The following SIDT2 variants were observed in gnomAD, a reference collection of about 807,000 sequenced individuals.
SIDT2 encodes SID1 transmembrane family, member 2.
In SIDT2, 68 loss-of-function variants were observed where a neutral mutation model predicts 114.4. That is an observed-to-expected ratio of 0.59 (90% CI 0.49 to 0.73). The LOEUF (loss-of-function observed/expected upper bound fraction) is 0.73. SIDT2 is among the 30% of genes least tolerant of loss of function. The pLI, the probability that SIDT2 is intolerant of heterozygous loss-of-function variation, is 0.00. For missense variants in SIDT2, 918 were observed against 1,097.1 expected, an observed-to-expected ratio of 0.84 and a Z score of 2.31; for synonymous variants, 470 against 438.4, an observed-to-expected ratio of 1.07 and a Z score of -0.90.
At chr11:117,179,487 G>T in intron 1 of SIDT2, 41 bp downstream of exon 1, 1 of 1,582,132 alleles carries the variant, frequency 6.3e-7, no homozygotes. Flanking sequence ...GAGTGGGGAA[G>T]CCGACGAGGG....
intron 24 of SIDT2, among the ~76,000 whole-genome samples, chr11:117,195,135 G>T (rs1408885073): frequency 2.2e-5 from 3 of 138,648 alleles, no homozygotes; most frequent in Non-Finnish European, 4.6e-5. Flanking sequence ...ATGGAGAAGA[G>T]CCCCATGGCC....
At chr11:117,186,807 T>C (rs2030513636) in intron 10 of SIDT2, among the ~76,000 whole-genome samples, 171 bp downstream of exon 10, 1 of 152,030 alleles carries the variant, frequency 6.6e-6, no homozygotes, top group African/African-American at 2.4e-5. Context: ...TGTCCATGCA[T>C]CCCTAACATG....
chr11:117,178,749 C>A lies in SIDT2; in HGVS notation c.-515C>A, dbSNP rs1298313257. On this transcript the variant is annotated 5_prime_UTR_variant, in exon 1 of 26. Coordinates refer to ENST00000324225, the MANE Select transcript of SIDT2 (RefSeq NM_001040455.2). The stretch of plus-strand genomic sequence containing the variant: ...GCGGCGCAGCTCACTTTTCAGTGTT[C>A]GTGCGTCGGGACGGCGCGTCCGCCC... 3.2e-5 allele frequency: 5 copies of A among 156,870 alleles called. No homozygotes were observed. The highest frequency in any genetic ancestry group is 9.6e-5 in the African/African-American group (4 of 41,490). 9.7% of individuals were successfully genotyped at this position (156,870 alleles called of 1,614,324 possible).
At position 117,179,408 on chromosome 11, in the gene SIDT2, A is replaced by T. The variant is rs1464496946; in HGVS notation, c.145A>T (p.Asn49Tyr). 1 of 1,613,268 alleles carries T rather than the reference A, an allele frequency of 6.2e-7. No homozygotes were observed. The highest frequency in any genetic ancestry group is 2.2e-5 in the East Asian group (1 of 44,812). ...YVDEVNSELV[N>Y]IYTFNHTVTR... ...GGACGAGGTCAACAGCGAGCTGGTCAACATCTACACCTTCAACCATACTGT... is the reference window on the plus strand; with the variant it reads ...GGACGAGGTCAACAGCGAGCTGGTCTACATCTACACCTTCAACCATACTGT... Residue 49 changes from asparagine (N) to tyrosine (Y), a missense_variant, in exon 1 of 26, where the codon AAC (asparagine) becomes TAC (tyrosine). Physicochemically the swap from Asn to Tyr is moderately radical, Grantham distance 143 (BLOSUM62 -2). Coordinates refer to ENST00000324225, the MANE Select transcript of SIDT2 (RefSeq NM_001040455.2).
At position 117,189,251 on chromosome 11, in the gene SIDT2, G is replaced by A; in HGVS notation, c.1352+9G>A. ...TACCAGATCTACTTCTGGTGAGTGG[G>A]CTGAGTGTCTGGGGCTCTGCTGTTG... On this transcript the variant is annotated intron_variant, in intron 14 of 25. Transcript: ENST00000324225. 2.5e-6 allele frequency: 4 copies of A among 1,614,196 alleles called. No homozygotes were observed. The highest frequency in any genetic ancestry group is 3.4e-6 in the Non-Finnish European group (4 of 1,179,984).
chr11:117,184,887 A>G (rs535169096), intron 8 of SIDT2, among the ~76,000 whole-genome samples: 135 of 151,778 alleles, frequency 8.9e-4, no homozygotes, highest in Non-Finnish European at 1.3e-3. Flanking sequence ...CGCCATGCCC[A>G]GCTAATTTTT....
chr11:117,186,637 G>A lies in SIDT2; in HGVS notation c.1015+1G>A. On this transcript the variant is annotated splice_donor_variant, in intron 10 of 25. Coordinates refer to ENST00000324225, the MANE Select transcript of SIDT2 (RefSeq NM_001040455.2). LOFTEE classifies it high-confidence loss of function. ...ATTGACCGAGCCTGCCCAGAAAGCG[G>A]TACCTCCAGGGGGCCTGGGTGGGGC... is the stretch of plus-strand genomic sequence containing the variant. The A allele has an allele frequency of 1.3e-6, 2 of 1,564,034 alleles. No individual in the cohort carries two copies. Among genetic ancestry groups the A allele is most frequent in the Non-Finnish European group, 1.7e-6 (2 of 1,159,008 alleles).
intron 1 of SIDT2, 102 bp downstream of exon 1, chr11:117,179,548 C>A: frequency 7.8e-7 from 1 of 1,285,412 alleles, no homozygotes; most frequent in South Asian, 1.4e-5. Context: ...CAGGAACGAG[C>A]TGTCCTGCTA....
Position 117,189,184 on chromosome 11 carries a change from G to T in SIDT2, c.1294G>T (p.Ala432Ser). 1.2e-6 allele frequency: 2 copies of T among 1,614,198 alleles called. No individual in the cohort carries two copies. Among genetic ancestry groups the T allele is most frequent in the Non-Finnish European group, 1.7e-6 (2 of 1,180,030 alleles). Residue 432 changes from alanine (A) to serine (S), a missense_variant, in exon 14 of 26, where the codon GCT becomes TCT. Ala to Ser is a moderately conservative substitution (Grantham distance 99). Around this residue, in one of 4 missense-constraint regions of SIDT2, gnomAD observed 553 missense variants for 600.1 expected, o/e 0.92. Transcript: ENST00000324225. ...VIRTKQYLYV[A>S]DLARKDKRVL... The stretch of plus-strand genomic sequence containing the variant: ...TTCTCCCCAGCAATACCTCTATGTG[G>T]CTGACCTGGCACGGAAGGACAAGCG...
rs911781622 is a variant in SIDT2, at chr11:117,188,175, G to A, written c.1159+476G>A. The A allele has an allele frequency of 1.1e-5, 4 of 362,742 alleles. No individual in the cohort carries two copies. The highest frequency in any genetic ancestry group is 4.3e-5 in the African/African-American group (2 of 47,042). 22.5% of individuals were successfully genotyped at this position (362,742 alleles called of 1,614,324 possible). On this transcript the variant is annotated intron_variant, in intron 12 of 25. Transcript: ENST00000324225. The surrounding 1 kb of genome is among the most constrained non-coding windows in gnomAD (Gnocchi z 4.0). ...TCCAGGCTGGACAATCTAGTTTATC[G>A]TCTGCGTTGCCAGCGCCCTCACTCC...
Position 117,192,157 on chromosome 11 carries a change from G to A in SIDT2, c.1873-97G>A. ...GATGCCTTCCTGGGCCCCTCTCAGA[G>A]TCCCAGCCTGGCTGAGCAGCCAGCC... On this transcript the variant is annotated intron_variant, in intron 19 of 25. Transcript: ENST00000324225. The surrounding 1 kb of genome is among the most constrained non-coding windows in gnomAD (Gnocchi z 5.9). 1 of 1,524,476 alleles carries A rather than the reference G, an allele frequency of 6.6e-7. No individual in the cohort carries two copies. Among genetic ancestry groups the A allele is most frequent in the Non-Finnish European group, 9.0e-7 (1 of 1,107,408 alleles). The allele number at this position is 1,524,476 out of a possible 1,614,324, so 94.4% of individuals were successfully genotyped here. A position where few individuals can be genotyped will look rare whatever the true frequency, so the allele number is the denominator to read the frequency against.
chr11:117,189,431 G>A (rs767935116), intron 15 of SIDT2, 30 bp downstream of exon 15: 24 of 1,606,120 alleles, frequency 1.5e-5, no homozygotes, highest in Non-Finnish European at 2.0e-5. Flanking sequence ...TCACCTTTCC[G>A]ACAGCCTAGG....
Position 117,184,095 on chromosome 11 carries a change from A to G in SIDT2, c.824A>G (p.His275Arg). The change falls in exon 8 of 26, where the codon CAC (histidine) becomes CGC (arginine). Residue 275 changes from histidine to arginine, a missense_variant. Coordinates refer to ENST00000324225, the MANE Select transcript of SIDT2 (RefSeq NM_001040455.2). ...FAEDEPVDQG[H>R]RQKTLSVLVS... Reference sequence around the variant, plus strand: ...CCAGATGAACCGGTCGATCAAGGGCACCGCCAGAAAACCCTGTCAGTGCTG... The same window carrying G: ...CCAGATGAACCGGTCGATCAAGGGCGCCGCCAGAAAACCCTGTCAGTGCTG... 6.2e-7 allele frequency: 1 copy of G among 1,614,174 alleles called. No homozygotes were observed. The highest frequency in any genetic ancestry group is 8.5e-7 in the Non-Finnish European group (1 of 1,180,034).
In SIDT2 at chr11:117,189,998, T is replaced by C; in HGVS notation, c.1466T>C (p.Leu489Pro). The C allele has an allele frequency of 6.2e-7, 1 of 1,614,156 alleles. No individual in the cohort carries two copies. The highest frequency in any genetic ancestry group is 1.1e-5 in the South Asian group (1 of 91,084). ...CAGGACATCTGCTACTACAACTTCCTCTGCGCCCACCCACTGGGCAATCTC... is the reference window on the plus strand; with the variant it reads ...CAGGACATCTGCTACTACAACTTCCCCTGCGCCCACCCACTGGGCAATCTC... The part of the protein sequence containing the change: ...GNQDICYYNF[L>P]CAHPLGNLSA... Residue 489 changes from leucine (L) to proline (P), a missense_variant, in exon 16 of 26, where the codon CTC (leucine) becomes CCC (proline). Around this residue, in one of 4 missense-constraint regions of SIDT2, gnomAD observed 18 missense variants for 39.6 expected, o/e 0.45. Transcript: ENST00000324225.
At chr11:117,195,409 G>GA (rs1019367296) in intron 24 of SIDT2, among the ~76,000 whole-genome samples, 21 of 152,142 alleles carry the variant, frequency 1.4e-4, no homozygotes, top group Admixed American at 5.2e-4. Context: ...TAGTGCTTTG[G>GA]AAAAAACAAT....
Position 117,183,895 on chromosome 11 carries a change from G to T in SIDT2, c.802+17G>T, listed in dbSNP as rs2030395888. 1 of 1,595,210 alleles carries T rather than the reference G, an allele frequency of 6.3e-7. No homozygotes were observed. The highest frequency in any genetic ancestry group is 8.6e-7 in the Non-Finnish European group (1 of 1,162,974). ...TCGCAGAAGGTACATTTTGTGCCCT[G>T]GGCCTGGCTAGGGATGGGGAGGTCT... On this transcript the variant is annotated intron_variant, in intron 7 of 25. Coordinates refer to ENST00000324225, the MANE Select transcript of SIDT2 (RefSeq NM_001040455.2).
Position 117,182,123 on chromosome 11 carries a change from A to C in SIDT2, c.516+18A>C. ...AGCCCCAGGTAACATCTCCCTGTTG[A>C]TTGCTCGAGAGGAGAAATGGGGGAG... On this transcript the variant is annotated intron_variant, in intron 4 of 25. Coordinates refer to ENST00000324225, the MANE Select transcript of SIDT2 (RefSeq NM_001040455.2). The C allele has an allele frequency of 3.1e-6, 5 of 1,613,488 alleles. No homozygotes were observed. The highest frequency in any genetic ancestry group is 4.2e-6 in the Non-Finnish European group (5 of 1,179,954).
chr11:117,188,592 C>A lies in SIDT2; in HGVS notation c.1160-116C>A. 1 of 761,308 alleles carries A rather than the reference C, an allele frequency of 1.3e-6. No individual in the cohort carries two copies. The highest frequency in any genetic ancestry group is 2.3e-6 in the Non-Finnish European group (1 of 437,728). 47.2% of individuals were successfully genotyped at this position (761,308 alleles called of 1,614,324 possible). Reference sequence around the variant, plus strand: ...CTTCCACCCCAACTCTGAGGCCCAGCCCACAATTTGCCTCTTCCCTACTGC... The same window carrying A: ...CTTCCACCCCAACTCTGAGGCCCAGACCACAATTTGCCTCTTCCCTACTGC... On this transcript the variant is annotated intron_variant, in intron 12 of 25. Coordinates refer to ENST00000324225, the MANE Select transcript of SIDT2 (RefSeq NM_001040455.2). This position sits in a 1 kb window ranked among gnomAD's most constrained non-coding sequence, Gnocchi z 4.0.
chr11:117,179,431 T>G lies in SIDT2; in HGVS notation c.168T>G (p.Thr56=). The G allele has an allele frequency of 6.2e-7, 1 of 1,613,470 alleles. No individual in the cohort carries two copies. Among genetic ancestry groups the G allele is most frequent in the Non-Finnish European group, 8.5e-7 (1 of 1,179,654 alleles). Residue 56 remains threonine, a synonymous_variant, in exon 1 of 26, where the codon ACT becomes ACG. Coordinates refer to ENST00000324225, the MANE Select transcript of SIDT2 (RefSeq NM_001040455.2). ...TCAACATCTACACCTTCAACCATAC[T>G]GTGACCCGCAACAGGGTGAGGGCTG... ...ELVNIYTFNH[T]VTRNRTEGVR... is the part of the protein sequence containing the mutation.
Sources: allele counts gnomAD v4.1 joint callset (sites outside exome capture counted in the v4.1 genomes callset), GRCh38; gene constraint gnomAD v4.1.1; regional missense constraint gnomAD v4.1.1; non-coding constraint Gnocchi (gnomAD v3.1); transcripts MANE v1.5; gene names NCBI Gene and HGNC (gene_info 2026-07-23, HGNC 2026-07-21).